The following CYTH3 variants were observed in gnomAD, a reference collection of about 807,000 sequenced individuals.
The protein encoded by CYTH3 is cytohesin-3.
A neutral mutation model predicts 55.1 loss-of-function variants in CYTH3; 23 were observed. The observed-to-expected ratio is 0.42, with a 90% CI of 0.30 to 0.59. CYTH3 has a LOEUF of 0.59. Among genes scored for constraint, CYTH3 ranks in the 20% least tolerant of loss-of-function variants. The pLI is 0.20. For missense variants in CYTH3, 413 were observed against 524.8 expected (o/e 0.79, Z 2.08); for synonymous variants, 249 against 194.9 (o/e 1.28, Z -2.31).
At chr7:6,244,883 G>A (rs566392090) in intron 1 of CYTH3, among the ~76,000 whole-genome samples, 5 of 148,808 alleles carry the variant, frequency 3.4e-5, no homozygotes, top group Admixed American at 6.8e-5. Context: ...CTGCCTCCCG[G>A]GTTCACGCCA....
chr7:6,210,271 TA>T (rs1435604157), intron 1 of CYTH3, among the ~76,000 whole-genome samples: 1 of 152,156 alleles, frequency 6.6e-6, no homozygotes, highest in Non-Finnish European at 1.5e-5. Flanking sequence ...TTCTAAAAAC[TA>T]AAGTCTATTA....
At chr7:6,206,296 C>A (rs1264125715) in intron 1 of CYTH3, among the ~76,000 whole-genome samples, 4 of 152,198 alleles carry the variant, frequency 2.6e-5, no homozygotes, top group Admixed American at 2.6e-4. Flanking sequence ...CTGGCACATG[C>A]TACAACACAG....
intron 1 of CYTH3, among the ~76,000 whole-genome samples, chr7:6,224,209 G>C (rs998241211): frequency 1.3e-4 from 19 of 150,984 alleles, no homozygotes; most frequent in African/African-American, 4.4e-4. Context: ...CAAAGACAAA[G>C]ATGACCTGAA....
At chr7:6,223,836 TA>T (rs58813864) in intron 1 of CYTH3, among the ~76,000 whole-genome samples, 4,729 of 24,304 alleles carry the variant, frequency 0.19, 215 homozygotes, top group East Asian at 0.47. Flanking sequence ...CAATAAATAC[TA>T]AAAAAAAAAA....
chr7:6,172,704 C>T (rs909235221), intron 6 of CYTH3: 18 of 1,117,482 alleles, frequency 1.6e-5, no homozygotes, highest in African/African-American at 8.3e-5. Flanking sequence ...CTGCAAGGGC[C>T]GCACCAGACA....
rs1172231329 is a variant in CYTH3, at chr7:6,191,591, C to CTTT, written c.35-1063_35-1061dup. On this transcript the variant is annotated intron_variant, in intron 1 of 12. Coordinates refer to ENST00000350796, the MANE Select transcript of CYTH3 (RefSeq NM_004227.4). ...TTTATAATTTCAGGGTAGGGAAGGA[C>CTTT]TTTTTTTTTTTTTTTTTTTTTTGAG... Among the ~76,000 whole-genome samples the CTTT allele has an allele frequency of 2.3e-3, 237 of 105,026 alleles. 2 individuals are homozygous for CTTT. The highest frequency in any genetic ancestry group is 3.5e-3 in the African/African-American group (96 of 27,404). The allele number at this position is 105,026 out of a possible 152,430, so 68.9% of individuals were successfully genotyped here. A position where few individuals can be genotyped will look rare whatever the true frequency, so the allele number is the denominator to read the frequency against.
chr7:6,190,427 G>GTTTT, intron 2 of CYTH3, 22 bp downstream of exon 2: 1 of 1,247,508 alleles, frequency 8.0e-7, no homozygotes, highest in Non-Finnish European at 1.0e-6. Context: ...TTGGATTTTT[G>GTTTT]GTTTTTTTTT....
intron 1 of CYTH3, among the ~76,000 whole-genome samples, chr7:6,193,745 G>A (rs772222171): frequency 1.2e-4 from 19 of 152,128 alleles, no homozygotes; most frequent in Non-Finnish European, 2.2e-4. Context: ...CCCACGCCAC[G>A]GAAGACTGCT....
rs1205033853 is a variant in CYTH3, at chr7:6,170,691, A to C, written c.712-45T>G. On this transcript the variant is annotated intron_variant, in intron 8 of 12. Transcript: ENST00000350796. The surrounding 1 kb of genome is among the most constrained non-coding windows in gnomAD (Gnocchi z 7.8). ...CAGCCAGTTCAGAGACTCGGAGGAAAATGGCTGGCCGGGCAGAAAGCTCAG... is the reference window on the plus strand; with the variant it reads ...CAGCCAGTTCAGAGACTCGGAGGAACATGGCTGGCCGGGCAGAAAGCTCAG... 1 of 1,595,078 alleles carries C rather than the reference A, an allele frequency of 6.3e-7. No individual in the cohort carries two copies. The highest frequency in any genetic ancestry group is 1.8e-5 in the Admixed American group (1 of 56,862).
Position 6,172,592 on chromosome 7 carries a change from G to T in CYTH3, c.449+1061C>A, listed in dbSNP as rs989364645. The T allele has an allele frequency of 1.1e-5, 6 of 541,446 alleles. No individual in the cohort carries two copies. In the East Asian group the frequency reaches 7.9e-4, roughly 71 times the overall value. The allele number at this position is 541,446 out of a possible 1,614,324, so 33.5% of individuals were successfully genotyped here. On this transcript the variant is annotated intron_variant, in intron 6 of 12. Transcript: ENST00000350796. ...CCCGCCCATCCTGTGCCTCCATCAG[G>T]CCCTCTACGGGGCTATGCCAGGCTC... is the stretch of plus-strand genomic sequence containing the variant.
intron 5 of CYTH3, among the ~76,000 whole-genome samples, chr7:6,174,417 A>G (rs1195525158): frequency 6.6e-6 from 1 of 151,618 alleles, no homozygotes; most frequent in Non-Finnish European, 1.5e-5. Context: ...ACCTGCCTGC[A>G]TCATTTTATA....
At chr7:6,245,889 A>G (rs1220275546) in intron 1 of CYTH3, among the ~76,000 whole-genome samples, 7 of 152,160 alleles carry the variant, frequency 4.6e-5, no homozygotes, top group African/African-American at 1.7e-4. Context: ...GGGCAGCAAG[A>G]GTGAAACTCT....
chr7:6,235,073 GCTC>G (rs1779483488), intron 1 of CYTH3, among the ~76,000 whole-genome samples: 1 of 152,114 alleles, frequency 6.6e-6, no homozygotes, highest in Admixed American at 6.5e-5. Flanking sequence ...AGAGCATCAT[GCTC>G]CTTTGCCATG....
intron 4 of CYTH3, among the ~76,000 whole-genome samples, chr7:6,182,567 T>C (rs1203486930): frequency 6.6e-6 from 1 of 152,228 alleles, no homozygotes; most frequent in African/African-American, 2.4e-5. Context: ...AATGCAGTGG[T>C]GCAATCACAT....
At chr7:6,179,687 C>A (rs1783434773) in intron 4 of CYTH3, among the ~76,000 whole-genome samples, 2 of 90,836 alleles carry the variant, frequency 2.2e-5, no homozygotes, top group Admixed American at 1.1e-4. Context: ...CACACACACC[C>A]CCCCACACAC....
At chr7:6,245,527 T>C (rs1779789542) in intron 1 of CYTH3, among the ~76,000 whole-genome samples, 1 of 152,168 alleles carries the variant, frequency 6.6e-6, no homozygotes, top group South Asian at 2.1e-4. Context: ...AGCAGGCTTC[T>C]TCCCTACTTT....
chr7:6,223,044 A>G (rs761718173), intron 1 of CYTH3, among the ~76,000 whole-genome samples: 14 of 152,258 alleles, frequency 9.2e-5, no homozygotes, highest in Middle Eastern at 3.2e-3. Context: ...ATAAAAATGA[A>G]TAAGGATGCT....
At position 6,193,167 on chromosome 7, in the gene CYTH3, G is replaced by A. The variant is rs907331584; in HGVS notation, c.35-2636C>T. Reference sequence around the variant, plus strand: ...AGCCTGGGTGACAGAGCGAGAGTCCGTCTCAAAAGAAAAAAGGAAATTGGG... The same window carrying A: ...AGCCTGGGTGACAGAGCGAGAGTCCATCTCAAAAGAAAAAAGGAAATTGGG... On this transcript the variant is annotated intron_variant, in intron 1 of 12. Transcript: ENST00000350796. 1.4e-4 allele frequency among the ~76,000 whole-genome samples: 21 copies of A among 151,078 alleles called. 1 individual carries two copies. Among genetic ancestry groups the A allele is most frequent in the Admixed American group, 9.9e-4 (15 of 15,174 alleles).
chr7:6,166,064 G>T (rs554431347), intron 9 of CYTH3, among the ~76,000 whole-genome samples: 1 of 152,320 alleles, frequency 6.6e-6, no homozygotes, highest in South Asian at 2.1e-4. Context: ...TCCTGGGAGA[G>T]TTAGTGGGAT....
Sources: allele counts gnomAD v4.1 joint callset (sites outside exome capture counted in the v4.1 genomes callset), GRCh38; gene constraint gnomAD v4.1.1; non-coding constraint Gnocchi (gnomAD v3.1); transcripts MANE v1.5; gene names NCBI Gene and HGNC (gene_info 2026-07-23, HGNC 2026-07-21).